The following GALNT13 variants were observed in gnomAD, a reference collection of about 807,000 sequenced individuals.
GALNT13 encodes the protein UDP-GalNAc:polypeptide N-acetylgalactosaminyltransferase 13.
Under a neutral mutation model 64.2 loss-of-function variants are expected in GALNT13, and 28 were observed. The observed-to-expected ratio is 0.44, with a 90% CI of 0.32 to 0.60. The LOEUF (loss-of-function observed/expected upper bound fraction) is 0.60, where lower values mean the gene tolerates loss of function less well. Ranked by LOEUF, GALNT13 falls within the 20% of genes least tolerant of loss-of-function variation. The pLI, the probability that GALNT13 is intolerant of heterozygous loss-of-function variation, is 0.05. For synonymous variants in GALNT13, 214 were observed against 224.6 expected (o/e 0.95, Z 0.42); for missense variants, 577 against 669.8 (o/e 0.86, Z 1.53).
At chr2:153,615,836 A>G in the GALNT13 span, among the ~76,000 whole-genome samples, 18 of 152,024 alleles carry the variant, frequency 1.2e-4, no homozygotes, top group Non-Finnish European at 2.4e-4. Flanking sequence ...TCTGGTTATT[A>G]ATCCCTTGTC....
chr2:153,140,381 A>G, the GALNT13 span, among the ~76,000 whole-genome samples: 1 of 152,064 alleles, frequency 6.6e-6, no homozygotes, highest in Non-Finnish European at 1.5e-5. Flanking sequence ...GGTTGTATAC[A>G]ACAAAGGACA....
intron 3 of GALNT13, among the ~76,000 whole-genome samples, chr2:154,071,142 A>G (rs1700721032): frequency 6.6e-6 from 1 of 152,140 alleles, no homozygotes; most frequent in Admixed American, 6.5e-5. Context: ...AAGTTTCAAA[A>G]ATCTTTTCTG....
the GALNT13 span, among the ~76,000 whole-genome samples, chr2:153,409,796 T>C: frequency 6.6e-6 from 1 of 152,116 alleles, no homozygotes; most frequent in Non-Finnish European, 1.5e-5. Context: ...AATGCTAAAG[T>C]ATAATTAAGA....
the GALNT13 span, among the ~76,000 whole-genome samples, chr2:153,573,916 T>A: frequency 6.6e-6 from 1 of 152,252 alleles, no homozygotes; most frequent in African/African-American, 2.4e-5. Context: ...TTTTTCTGTG[T>A]ACTTAGCATA....
intron 3 of GALNT13, among the ~76,000 whole-genome samples, chr2:154,062,170 A>G (rs1313122923): frequency 1.3e-5 from 2 of 152,182 alleles, no homozygotes; most frequent in African/African-American, 4.8e-5. Context: ...TAGTTTTGCC[A>G]GACATGTGCC....
chr2:153,096,664 T>G, the GALNT13 span, among the ~76,000 whole-genome samples: 2 of 152,190 alleles, frequency 1.3e-5, no homozygotes, highest in East Asian at 3.8e-4. Context: ...CTATTTTGTC[T>G]AATGTAAGTA....
the GALNT13 span, among the ~76,000 whole-genome samples, chr2:153,621,427 A>G: frequency 2.0e-5 from 3 of 152,120 alleles, no homozygotes; most frequent in Admixed American, 2.0e-4. Flanking sequence ...GTCTTGCCCA[A>G]GGTTTGCTGT....
the GALNT13 span, among the ~76,000 whole-genome samples, chr2:153,545,855 GC>G: frequency 5.3e-5 from 8 of 152,204 alleles, no homozygotes; most frequent in Admixed American, 5.2e-4. Context: ...AAGAGGATAT[GC>G]CTAGCTCAAC....
the GALNT13 span, among the ~76,000 whole-genome samples, chr2:153,239,456 T>C: frequency 6.6e-6 from 1 of 152,116 alleles, no homozygotes; most frequent in South Asian, 2.1e-4. Context: ...CATTCAGTGA[T>C]ACTATGTGTC....
At chr2:153,951,477 G>C (rs1327515872) in intron 3 of GALNT13, among the ~76,000 whole-genome samples, 2 of 152,112 alleles carry the variant, frequency 1.3e-5, no homozygotes, top group Non-Finnish European at 2.9e-5. Flanking sequence ...AGGTGTAAGA[G>C]GAGTAGGTAA....
rs115833320 is a variant in GALNT13 at position 154,445,832 on chromosome 2, G to A, written c.1531-4579G>A. ...CTTAGTGTCTCCCAAGGGCAGGCACGGAGCTTCAAGATGTAGGTGGCCATA... is the reference window on the plus strand; with the variant it reads ...CTTAGTGTCTCCCAAGGGCAGGCACAGAGCTTCAAGATGTAGGTGGCCATA... On this transcript the variant is annotated intron_variant, in intron 12 of 12. Transcript: ENST00000392825. 1.0e-3 allele frequency: 1,299 copies of A among 1,288,398 alleles called. 15 individuals carry two copies. In the African/African-American group the frequency reaches 0.018, roughly 18 times the overall value. The allele number at this position is 1,288,398 out of a possible 1,614,324, so 79.8% of individuals were successfully genotyped here. A position where few individuals can be genotyped will look rare whatever the true frequency, so the allele number is the denominator to read the frequency against.
chr2:153,770,891 A>T, the GALNT13 span, among the ~76,000 whole-genome samples: 2 of 152,216 alleles, frequency 1.3e-5, no homozygotes, highest in African/African-American at 2.4e-5. Context: ...GTGGATAGCC[A>T]TCAAGCACCT....
chr2:154,099,091 T>C (rs1478834758), intron 3 of GALNT13, among the ~76,000 whole-genome samples: 2 of 152,128 alleles, frequency 1.3e-5, no homozygotes, highest in Non-Finnish European at 2.9e-5. Context: ...TGTTGCTTTT[T>C]GACTTTTTAA....
rs1204789105 is a variant in GALNT13, at chr2:154,015,358, C to A, written c.142+70719C>A. ...AGTTACTTCCTGGTCTTTGATAAGT[C>A]CTAAAGCATGACATCATTGTTGAAC... On this transcript the variant is annotated intron_variant, in intron 3 of 12. Coordinates refer to ENST00000392825, the MANE Select transcript of GALNT13 (RefSeq NM_052917.4). Among the ~76,000 whole-genome samples, 3 of 152,068 alleles carry A rather than the reference C, an allele frequency of 2.0e-5. No homozygotes were observed. In the East Asian group the frequency reaches 5.8e-4, roughly 29 times the overall value.
chr2:153,222,894 G>C, the GALNT13 span, among the ~76,000 whole-genome samples: 1 of 152,182 alleles, frequency 6.6e-6, no homozygotes, highest in Non-Finnish European at 1.5e-5. Context: ...AGAGCGCAGG[G>C]ATGCCTGGGT....
At chr2:154,369,837 T>A (rs952212278) in intron 9 of GALNT13, among the ~76,000 whole-genome samples, 2 of 152,168 alleles carry the variant, frequency 1.3e-5, no homozygotes, top group African/African-American at 4.8e-5. Context: ...CTTCTCTTGG[T>A]TGATAGGCTT....
intron 7 of GALNT13, among the ~76,000 whole-genome samples, chr2:154,253,593 C>A (rs1413046950): frequency 6.6e-6 from 1 of 152,074 alleles, no homozygotes; most frequent in African/African-American, 2.4e-5. Context: ...TTATCCTGGG[C>A]AGTATAGTGA....
At chr2:154,036,007 T>C (rs1371824967) in intron 3 of GALNT13, among the ~76,000 whole-genome samples, 1 of 152,074 alleles carries the variant, frequency 6.6e-6, no homozygotes, top group Non-Finnish European at 1.5e-5. Context: ...GATGATTTCA[T>C]TGCTTTAGTA....
the GALNT13 span, among the ~76,000 whole-genome samples, chr2:153,704,483 TATA>T: frequency 2.6e-5 from 4 of 152,188 alleles, no homozygotes; most frequent in African/African-American, 9.6e-5. Flanking sequence ...TCATTGAAAA[TATA>T]ATATACTTCT....
Sources: gnomAD v4.1 joint callset for allele counts (sites outside exome capture counted in the v4.1 genomes callset) on GRCh38, gnomAD v4.1.1 for gene constraint, MANE v1.5 for transcripts, NCBI Gene and HGNC (gene_info 2026-07-23, HGNC 2026-07-21) for gene names.